STAT3: variants seen among roughly 807,000 people sequenced by gnomAD.
The protein encoded by STAT3 is signal transducer and activator of transcription 3.
In STAT3, 7 loss-of-function variants were observed where a neutral mutation model predicts 114.3. The observed-to-expected ratio is 0.06, with a 90% CI of 0.03 to 0.11. The LOEUF is 0.11. Among genes scored for constraint, STAT3 ranks in the 10% least tolerant of loss-of-function variants. STAT3 has a pLI of 1.00. For missense variants in STAT3, 364 were observed against 960.9 expected, an observed-to-expected ratio of 0.38 and a Z score of 8.21; for synonymous variants, 331 against 354.5, an observed-to-expected ratio of 0.93 and a Z score of 0.74.
At chr17:42,368,291 A>G (rs969176014) in intron 1 of STAT3, among the ~76,000 whole-genome samples, 2 of 152,248 alleles carry the variant, frequency 1.3e-5, no homozygotes, top group African/African-American at 4.8e-5. Context: ...ATGAGACTTT[A>G]GCACTCTCTT....
chr17:42,345,741 A>G (rs2082668767), intron 3 of STAT3, 84 bp from the exon 4 acceptor site: 13 of 1,222,354 alleles, frequency 1.1e-5, no homozygotes, highest in Non-Finnish European at 1.4e-5. Context: ...AAACTAATGT[A>G]TTCATCAAGG....
At chr17:42,356,978 G>T (rs1401680066) in intron 1 of STAT3, among the ~76,000 whole-genome samples, 4 of 151,918 alleles carry the variant, frequency 2.6e-5, no homozygotes, top group South Asian at 2.1e-4. Context: ...AGTAGAGACG[G>T]CGCTTCACCA....
At chr17:42,371,881 G>A (rs1261743631) in intron 1 of STAT3, among the ~76,000 whole-genome samples, 1 of 151,792 alleles carries the variant, frequency 6.6e-6, no homozygotes, top group Non-Finnish European at 1.5e-5. Context: ...TACTTGGGAG[G>A]CTGAGGCAGG....
At chr17:42,363,488 G>A (rs550996125) in intron 1 of STAT3, among the ~76,000 whole-genome samples, 17 of 152,238 alleles carry the variant, frequency 1.1e-4, no homozygotes, top group African/African-American at 4.1e-4. Flanking sequence ...CTGTTACCCA[G>A]GCTGGAGTGC....
chr17:42,339,520 T>A (rs1458898673), intron 4 of STAT3, 111 bp from the exon 5 acceptor site: 4 of 1,025,318 alleles, frequency 3.9e-6, no homozygotes, highest in Non-Finnish European at 6.0e-6. Context: ...CTTGAGACGC[T>A]GCTGCCATCA....
Position 42,324,424 on chromosome 17 carries a change from C to T in STAT3, c.1600+287G>A, listed in dbSNP as rs1047913897. On this transcript the variant is annotated intron_variant, in intron 17 of 23. Transcript: ENST00000264657. The surrounding 1 kb of genome is among the most constrained non-coding windows in gnomAD (Gnocchi z 4.5). The stretch of plus-strand genomic sequence containing the variant: ...AAGCCTTTAGTGCCACCTTCCAACA[C>T]ACACTTAAAAGATCTTCTAAAGTTA... Among the ~76,000 whole-genome samples, 23 of 152,200 alleles carry T rather than the reference C, an allele frequency of 1.5e-4. No homozygotes were observed. The highest frequency in any genetic ancestry group is 1.2e-3 in the Admixed American group (18 of 15,286).
intron 1 of STAT3, among the ~76,000 whole-genome samples, chr17:42,356,204 T>C (rs2083218390): frequency 6.6e-6 from 1 of 152,012 alleles, no homozygotes; most frequent in Non-Finnish European, 1.5e-5. Context: ...GTTTGAAAGA[T>C]TATAAAATAA....
At chr17:42,377,983 A>AT (rs11378560) in intron 1 of STAT3, among the ~76,000 whole-genome samples, 103,918 of 127,722 alleles carry the variant, frequency 0.81, 43,810 homozygotes, top group East Asian at 0.95. Flanking sequence ...CAGAAACAGG[A>AT]TTTTTTTTTT....
intron 1 of STAT3, among the ~76,000 whole-genome samples, chr17:42,360,997 C>T (rs915190528): frequency 2.0e-5 from 3 of 152,082 alleles, no homozygotes; most frequent in African/African-American, 4.8e-5. Flanking sequence ...GAAATCTGTA[C>T]GAGAAAGGAT....
At chr17:42,368,499 G>A (rs769839347) in intron 1 of STAT3, among the ~76,000 whole-genome samples, 7 of 152,068 alleles carry the variant, frequency 4.6e-5, no homozygotes, top group Non-Finnish European at 8.8e-5. Context: ...TCGCCCTGTC[G>A]CCCAGGCTGG....
At chr17:42,353,471 T>C (rs1415367550) in intron 1 of STAT3, among the ~76,000 whole-genome samples, 1 of 152,122 alleles carries the variant, frequency 6.6e-6, no homozygotes, top group Non-Finnish European at 1.5e-5. Flanking sequence ...ACTGCTACTC[T>C]AGACAATGTA....
intron 15 of STAT3, among the ~76,000 whole-genome samples, chr17:42,325,375 GAA>G (rs2081660301): frequency 6.6e-6 from 1 of 152,116 alleles, no homozygotes; most frequent in South Asian, 2.1e-4. Flanking sequence ...TCCAAGACTT[GAA>G]GCTGTATCTT....
Position 42,315,373 on chromosome 17 carries a change from CAGGAGGCACTTGTCTA to C in STAT3, c.*356_*371del. 1 of 439,108 alleles carries C rather than the reference CAGGAGGCACTTGTCTA, an allele frequency of 2.3e-6. No homozygotes were observed. 27.2% of individuals were successfully genotyped at this position (439,108 alleles called of 1,614,324 possible). ...ACAGGCAGAAGGATGCCGCAGGCAC[CAGGAGGCACTTGTCTA>C]AGAACAACAACAACAATAACAAAAA... On this transcript the variant is annotated 3_prime_UTR_variant, in exon 24 of 24. Transcript: ENST00000264657.
At chr17:42,330,258 G>C (rs927121156) in intron 11 of STAT3, among the ~76,000 whole-genome samples, 1 of 146,624 alleles carries the variant, frequency 6.8e-6, no homozygotes, top group African/African-American at 2.5e-5. Flanking sequence ...CTGGGATTAC[G>C]GGCATGCGCC....
Position 42,337,514 on chromosome 17 carries a change from GCTC to G in STAT3, c.715_717del (p.Glu239del), listed in dbSNP as rs1567721562. ...TGTTGCCGCCTCTTCCAGTCAGCCA[GCTC>G]CTCGTCCGTGAGAGTTTTCTGCACG... On this transcript the variant is annotated inframe_deletion, in exon 8 of 24. Transcript: ENST00000264657. The surrounding 1 kb of genome is among the most constrained non-coding windows in gnomAD (Gnocchi z 4.0). 6.2e-7 allele frequency: 1 copy of G among 1,614,194 alleles called. No individual in the cohort carries two copies. Among genetic ancestry groups the G allele is most frequent in the Non-Finnish European group, 8.5e-7 (1 of 1,180,040 alleles).
chr17:42,353,492 G>A (rs989250044), intron 1 of STAT3, among the ~76,000 whole-genome samples: 9 of 151,974 alleles, frequency 5.9e-5, no homozygotes, highest in Middle Eastern at 3.4e-3. Context: ...GCCAAAAAGC[G>A]GTGGTTCTCC....
intron 14 of STAT3, 95 bp downstream of exon 14, chr17:42,329,315 T>C: frequency 6.4e-7 from 1 of 1,561,098 alleles, no homozygotes; most frequent in East Asian, 2.2e-5. Flanking sequence ...AAAGAACAGG[T>C]TGATGTTTCT....
At chr17:42,380,524 A>G (rs2084725898) in intron 1 of STAT3, among the ~76,000 whole-genome samples, 1 of 151,520 alleles carries the variant, frequency 6.6e-6, no homozygotes, top group African/African-American at 2.4e-5. Context: ...AGCTGGGATT[A>G]CAGGTGCCCA....
chr17:42,386,135 G>C (rs1258830088), intron 1 of STAT3, among the ~76,000 whole-genome samples: 1 of 152,082 alleles, frequency 6.6e-6, no homozygotes, highest in Non-Finnish European at 1.5e-5. Flanking sequence ...ACAAAAATTA[G>C]CTGGGCGTGG....
Sources: gnomAD v4.1 joint callset for allele counts (sites outside exome capture counted in the v4.1 genomes callset) on GRCh38, gnomAD v4.1.1 for gene constraint, Gnocchi (gnomAD v3.1) non-coding constraint, MANE v1.5 for transcripts, NCBI Gene and HGNC (gene_info 2026-07-23, HGNC 2026-07-21) for gene names.